Variants in CATSPERD observed in about 807,000 individuals in gnomAD.
CATSPERD encodes cation channel sperm-associated auxiliary subunit delta.
In CATSPERD, 86 loss-of-function variants were observed where a neutral mutation model predicts 98.1. The observed-to-expected ratio is 0.88, with a 90% CI of 0.74 to 1.05. The LOEUF is 1.05. Ranked by LOEUF, CATSPERD falls within the 50% of genes least tolerant of loss-of-function variation. The pLI, the probability that CATSPERD is intolerant of heterozygous loss-of-function variation, is 0.00. For missense variants in CATSPERD, 995 were observed against 1,005.7 expected, an observed-to-expected ratio of 0.99 and a Z score of 0.14; for synonymous variants, 394 against 390.2, an observed-to-expected ratio of 1.01 and a Z score of -0.12.
In CATSPERD at chr19:5,750,450, C is replaced by CAAAAA. The variant is rs60496454; in HGVS notation, c.988-1178_988-1174dup. On this transcript the variant is annotated intron_variant, in intron 11 of 21. Coordinates refer to ENST00000381624, the MANE Select transcript of CATSPERD (RefSeq NM_152784.4). ...TGGGTGACTGAGCGAGACTCTGTCT[C>CAAAAA]AAAAAAAAAAAAAAAAAAAAAAAGG... Among the ~76,000 whole-genome samples, 58 of 48,640 alleles carry CAAAAA rather than the reference C, an allele frequency of 1.2e-3. 2 individuals carry two copies. The highest frequency in any genetic ancestry group is 1.8e-3 in the Non-Finnish European group (50 of 28,412). 31.9% of individuals were successfully genotyped at this position (48,640 alleles called of 152,430 possible). A position where few individuals can be genotyped will look rare whatever the true frequency, so the allele number is the denominator to read the frequency against.
intron 4 of CATSPERD, among the ~76,000 whole-genome samples, chr19:5,732,660 T>G (rs2055750439): frequency 6.6e-6 from 1 of 151,530 alleles, no homozygotes. Flanking sequence ...AAAATGGTGT[T>G]TTTTGTTTTG....
chr19:5,730,606 T>C (rs1422653675), intron 4 of CATSPERD, among the ~76,000 whole-genome samples: 2 of 151,690 alleles, frequency 1.3e-5, no homozygotes, highest in Non-Finnish European at 2.9e-5. Context: ...TATCTTACTT[T>C]ACATGCAGTA....
At chr19:5,778,322 G>C in intron 21 of CATSPERD, 54 bp from the exon 22 acceptor site, 1 of 1,519,480 alleles carries the variant, frequency 6.6e-7, no homozygotes, top group Non-Finnish European at 9.0e-7. Context: ...GAGATAAGGC[G>C]AAGTCCCCCA....
intron 12 of CATSPERD, among the ~76,000 whole-genome samples, chr19:5,752,096 G>A (rs2056232960): frequency 6.6e-6 from 1 of 152,058 alleles, no homozygotes; most frequent in Non-Finnish European, 1.5e-5. Flanking sequence ...ATCACTTGAG[G>A]TCAGGAGTTC....
chr19:5,730,479 G>A (rs932546246), intron 4 of CATSPERD, among the ~76,000 whole-genome samples: 11 of 151,594 alleles, frequency 7.3e-5, no homozygotes, highest in Admixed American at 5.9e-4. Flanking sequence ...GGAGGTGGAG[G>A]TTGTAGTGGC....
Position 5,722,730 on chromosome 19 carries a change from A to ACC in CATSPERD, c.71+1932_71+1933dup, listed in dbSNP as rs34338163. 9.4e-4 allele frequency among the ~76,000 whole-genome samples: 131 copies of ACC among 140,072 alleles called. 1 individual carries two copies. Among genetic ancestry groups the ACC allele is most frequent in the African/African-American group, 3.2e-3 (118 of 37,026 alleles). 91.9% of individuals were successfully genotyped at this position (140,072 alleles called of 152,430 possible). A position where few individuals can be genotyped will look rare whatever the true frequency, so the allele number is the denominator to read the frequency against. The stretch of plus-strand genomic sequence containing the variant: ...ACCCAGCAAACGGTGGTTTATCAAG[A>ACC]CCCCCCCCCCCGCAACCCCGGTGAT... On this transcript the variant is annotated intron_variant, in intron 1 of 21. Coordinates refer to ENST00000381624, the MANE Select transcript of CATSPERD (RefSeq NM_152784.4).
chr19:5,746,097 T>C (rs746469165), intron 9 of CATSPERD, 34 bp downstream of exon 9: 4 of 1,597,412 alleles, frequency 2.5e-6, no homozygotes, highest in Non-Finnish European at 3.4e-6. Flanking sequence ...GGCTGCCGCC[T>C]GGTGGCCTCC....
intron 16 of CATSPERD, 103 bp from the exon 17 acceptor site, chr19:5,766,000 G>A: frequency 1.2e-6 from 1 of 819,554 alleles, no homozygotes; most frequent in South Asian, 1.9e-5. Context: ...AGGCCACATG[G>A]TTTCCAAACC....
intron 18 of CATSPERD, among the ~76,000 whole-genome samples, chr19:5,769,816 G>T (rs2056611223): frequency 1.3e-5 from 2 of 152,018 alleles, no homozygotes; most frequent in African/African-American, 2.4e-5. Context: ...TGGCCGGGCA[G>T]GGTGGCTCAT....
intron 20 of CATSPERD, among the ~76,000 whole-genome samples, chr19:5,774,447 C>G (rs1274502659): frequency 6.6e-6 from 1 of 151,516 alleles, no homozygotes; most frequent in Non-Finnish European, 1.5e-5. Context: ...AATCCCAGCA[C>G]TTTGGGAGGC....
At chr19:5,773,859 T>A (rs896015987) in intron 20 of CATSPERD, among the ~76,000 whole-genome samples, 1 of 152,044 alleles carries the variant, frequency 6.6e-6, no homozygotes, top group Non-Finnish European at 1.5e-5. Flanking sequence ...TACAAAGAGA[T>A]TGCATCAGTC....
chr19:5,733,775 A>G (rs750106207), intron 4 of CATSPERD, 81 bp from the exon 5 acceptor site: 20 of 998,936 alleles, frequency 2.0e-5, no homozygotes, highest in Non-Finnish European at 2.9e-5. Flanking sequence ...TTTTTTTTCA[A>G]TGCATGTCTA....
At chr19:5,743,751 C>T (rs2056043121) in intron 7 of CATSPERD, among the ~76,000 whole-genome samples, 1 of 150,492 alleles carries the variant, frequency 6.6e-6, no homozygotes, top group African/African-American at 2.5e-5. Context: ...GGGAGGTAGC[C>T]AGCTGGGCTG....
chr19:5,738,948 G>GAACTC (rs2055902001), intron 6 of CATSPERD, among the ~76,000 whole-genome samples: 1 of 151,082 alleles, frequency 6.6e-6, no homozygotes, highest in Admixed American at 6.6e-5. Flanking sequence ...GGCTGGTCTT[G>GAACTC]AACTCCTGGC....
chr19:5,767,794 A>G (rs1210286894), intron 17 of CATSPERD, among the ~76,000 whole-genome samples: 2 of 119,606 alleles, frequency 1.7e-5, no homozygotes, highest in African/African-American at 6.4e-5. Context: ...ATTTTATTTT[A>G]ATTTTTATCG....
Position 5,754,118 on chromosome 19 carries a change from G to A in CATSPERD, c.1165-14G>A, listed in dbSNP as rs568419455. 84 of 1,531,530 alleles carry A rather than the reference G, an allele frequency of 5.5e-5. No homozygotes were observed. The highest frequency in any genetic ancestry group is 4.5e-4 in the Admixed American group (27 of 59,814). 94.9% of individuals were successfully genotyped at this position (1,531,530 alleles called of 1,614,324 possible). On this transcript the variant is annotated splice_polypyrimidine_tract_variant and intron_variant, in intron 12 of 21. Transcript: ENST00000381624. Reference sequence around the variant, plus strand: ...AGGAGCATGATTATCTTTCTTCTTCGCCTTTTTAACTAGATAGAGTTTCTG... The same window carrying A: ...AGGAGCATGATTATCTTTCTTCTTCACCTTTTTAACTAGATAGAGTTTCTG...
At chr19:5,734,035 G>T in intron 5 of CATSPERD, 65 bp downstream of exon 5, 1 of 929,580 alleles carries the variant, frequency 1.1e-6, no homozygotes. Flanking sequence ...GAGGGTATTA[G>T]TGTTGGAAGT....
chr19:5,754,391 G>GT, intron 13 of CATSPERD, 146 bp downstream of exon 13: 15 of 273,738 alleles, frequency 5.5e-5, no homozygotes, highest in Non-Finnish European at 7.4e-5. Flanking sequence ...TTGTCTCTGT[G>GT]TCTTTTTTTT....
rs1355996468 is a variant in CATSPERD, at chr19:5,737,176, T to C, written c.430T>C (p.Cys144Arg). ...HPVTHVSGDN[C>R]CYTGSLFCVH... The stretch of plus-strand genomic sequence containing the variant: ...TGTTACACATGTCTCTGGTGATAAT[T>C]GTTGTTATACTGGAAGTTTGTTTTG... Residue 144 changes from cysteine (C) to arginine (R), a missense_variant, in exon 6 of 22, where the codon TGT becomes CGT. This residue lies in a region of CATSPERD where 228 missense variants were observed against 209.6 expected (regional missense o/e 1.09). Coordinates refer to ENST00000381624, the MANE Select transcript of CATSPERD (RefSeq NM_152784.4). 2 of 1,610,014 alleles carry C rather than the reference T, an allele frequency of 1.2e-6. No individual in the cohort carries two copies. Among genetic ancestry groups the C allele is most frequent in the Non-Finnish European group, 1.7e-6 (2 of 1,176,370 alleles).
Sources: gnomAD v4.1 joint callset for allele counts (sites outside exome capture counted in the v4.1 genomes callset) on GRCh38, gnomAD v4.1.1 for gene constraint, gnomAD v4.1.1 regional missense constraint, MANE v1.5 for transcripts, NCBI Gene and HGNC (gene_info 2026-07-23, HGNC 2026-07-21) for gene names.